The following GPC3 variants were observed in gnomAD, a reference collection of about 807,000 sequenced individuals.
GPC3 encodes the protein glypican 3.
A neutral mutation model predicts 34.4 loss-of-function variants in GPC3; 3 were observed. The ratio of observed to expected loss-of-function variants is 0.09; its 90% confidence interval spans 0.04 to 0.23. The LOEUF (loss-of-function observed/expected upper bound fraction) is 0.23. GPC3 is among the 10% of genes least tolerant of loss of function. GPC3 has a pLI of 1.00. For synonymous variants in GPC3, 177 were observed against 174.0 expected, an observed-to-expected ratio of 1.02 and a Z score of -0.13; for missense variants, 351 against 445.6, an observed-to-expected ratio of 0.79 and a Z score of 1.91.
intron 6 of GPC3, among the ~76,000 whole-genome samples, chrX:133,631,912 C>T (rs1393219625): frequency 2.2e-4 from 24 of 107,250 alleles, no homozygotes; most frequent in African/African-American, 4.9e-4. Flanking sequence ...TGAAGGAGCA[C>T]GTATTAAAAA....
At chrX:133,698,509 T>C (rs1165255931) in intron 4 of GPC3, among the ~76,000 whole-genome samples, 2 of 111,993 alleles carry the variant, frequency 1.8e-5, no homozygotes, top group Admixed American at 9.5e-5. Flanking sequence ...AGGAATTCAT[T>C]GTGTGTTGTT....
chrX:133,554,719 A>G lies in GPC3; in HGVS notation c.1574-18426T>C, dbSNP rs189191013. Among the ~76,000 whole-genome samples, 91 of 110,988 alleles carry G rather than the reference A, an allele frequency of 8.2e-4. 1 individual carries two copies. Among genetic ancestry groups the G allele is most frequent in the African/African-American group, 2.8e-3 (85 of 30,469 alleles). On this transcript the variant is annotated intron_variant, in intron 7 of 7. Transcript: ENST00000370818. ...ACCCCTGCTCTCTTTAAAATAGCCA[A>G]TTGGAATTAGCTTAGACTGTGTGGT...
intron 3 of GPC3, among the ~76,000 whole-genome samples, chrX:133,747,034 T>A (rs1022268109): frequency 8.9e-6 from 1 of 111,820 alleles, no homozygotes; most frequent in African/African-American, 3.3e-5. Flanking sequence ...CAGAGCTTCC[T>A]GGCACACAAA....
At chrX:133,643,867 G>T (rs1365782291) in intron 6 of GPC3, among the ~76,000 whole-genome samples, 2 of 97,769 alleles carry the variant, frequency 2.0e-5, no homozygotes, top group Admixed American at 1.1e-4. Flanking sequence ...TTGCTCTTTC[G>T]CCCAGGCTGG....
chrX:133,595,546 A>C (rs1569392719), intron 7 of GPC3, among the ~76,000 whole-genome samples: 2 of 110,661 alleles, frequency 1.8e-5, no homozygotes, highest in Non-Finnish European at 3.8e-5. Context: ...TATTTTTTTT[A>C]CTGAGACAGA....
chrX:133,738,023 G>A (rs909678706), intron 3 of GPC3, among the ~76,000 whole-genome samples: 1 of 111,631 alleles, frequency 9.0e-6, no homozygotes, highest in African/African-American at 3.3e-5. Flanking sequence ...GAGTACAGTG[G>A]TGTGATCACA....
intron 6 of GPC3, among the ~76,000 whole-genome samples, chrX:133,628,200 T>C (rs776348024): frequency 8.9e-5 from 10 of 112,382 alleles, no homozygotes; most frequent in Non-Finnish European, 1.9e-4. Flanking sequence ...AATGAGGTTG[T>C]TTACTTAGTT....
intron 1 of GPC3, among the ~76,000 whole-genome samples, chrX:133,976,981 C>T (rs1452588651): frequency 9.1e-6 from 1 of 109,839 alleles, no homozygotes; most frequent in Non-Finnish European, 1.9e-5. Context: ...GGCAACAAGG[C>T]TCCCAGGGCC....
chrX:133,607,454 A>G (rs1437045315), intron 6 of GPC3, among the ~76,000 whole-genome samples: 3 of 110,436 alleles, frequency 2.7e-5, no homozygotes, highest in African/African-American at 9.9e-5. Context: ...TTTAATAGAG[A>G]TGGGGGTCTC....
intron 2 of GPC3, among the ~76,000 whole-genome samples, chrX:133,844,823 T>G (rs1316150915): frequency 8.9e-6 from 1 of 111,735 alleles, no homozygotes; most frequent in Non-Finnish European, 1.9e-5. Context: ...ATTCTGATTT[T>G]TAATATTTGG....
intron 3 of GPC3, among the ~76,000 whole-genome samples, chrX:133,741,111 TC>T (rs1456556630): frequency 9.1e-6 from 1 of 109,755 alleles, no homozygotes; most frequent in African/African-American, 3.3e-5. Flanking sequence ...TCCTCCTCTT[TC>T]CCCACAGGGT....
rs190827797 is a variant in GPC3, at chrX:133,676,038, C to T, written c.1293-14188G>A. Among the ~76,000 whole-genome samples the T allele has an allele frequency of 5.4e-3, 609 of 112,123 alleles. 3 individuals are homozygous for T. The highest frequency in any genetic ancestry group is 9.4e-3 in the Non-Finnish European group (502 of 53,219). On this transcript the variant is annotated intron_variant, in intron 5 of 7. Coordinates refer to ENST00000370818, the MANE Select transcript of GPC3 (RefSeq NM_004484.4). ...ACTGTGTTGGATTCCCACTGCAAACCGGTGATTGAGAGTGTGTAGCCATAT... is the reference window on the plus strand; with the variant it reads ...ACTGTGTTGGATTCCCACTGCAAACTGGTGATTGAGAGTGTGTAGCCATAT...
intron 3 of GPC3, among the ~76,000 whole-genome samples, chrX:133,716,784 A>G (rs2071317982): frequency 2.7e-5 from 3 of 111,492 alleles, no homozygotes; most frequent in Admixed American, 9.5e-5. Flanking sequence ...AATGGCTAAA[A>G]GCTTCCCAAA....
chrX:133,810,052 A>G (rs1000485550), intron 2 of GPC3, among the ~76,000 whole-genome samples: 2 of 111,838 alleles, frequency 1.8e-5, no homozygotes, highest in African/African-American at 6.5e-5. Flanking sequence ...TTTCCGGCCC[A>G]TTTTATTTCA....
At chrX:133,931,353 C>T (rs373317553) in intron 2 of GPC3, among the ~76,000 whole-genome samples, 1 of 111,095 alleles carries the variant, frequency 9.0e-6, no homozygotes, top group Non-Finnish European at 1.9e-5. Context: ...TAAAACCTGA[C>T]AGATGTTAAA....
intron 3 of GPC3, among the ~76,000 whole-genome samples, chrX:133,751,021 C>T (rs1301223875): frequency 9.3e-6 from 1 of 107,334 alleles, no homozygotes; most frequent in Non-Finnish European, 1.9e-5. Flanking sequence ...TGCAGTGAGC[C>T]GAGATTACAC....
At chrX:133,697,380 C>T (rs1350595234) in intron 4 of GPC3, among the ~76,000 whole-genome samples, 1 of 111,688 alleles carries the variant, frequency 9.0e-6, no homozygotes, top group East Asian at 2.8e-4. Context: ...ATTCTAAAGA[C>T]TTGCCCATAC....
chrX:133,666,071 C>T (rs2070764949), intron 5 of GPC3, among the ~76,000 whole-genome samples: 1 of 111,917 alleles, frequency 8.9e-6, no homozygotes. Context: ...AGCGATTTTG[C>T]CCCGTACTCC....
At chrX:133,882,552 T>C (rs1382751661) in intron 2 of GPC3, among the ~76,000 whole-genome samples, 1 of 111,169 alleles carries the variant, frequency 9.0e-6, no homozygotes, top group Admixed American at 9.6e-5. Flanking sequence ...TGTGTGTGTG[T>C]GTGTGTGGCT....
Sources: allele counts gnomAD v4.1 joint callset (sites outside exome capture counted in the v4.1 genomes callset), GRCh38; gene constraint gnomAD v4.1.1; transcripts MANE v1.5; gene names NCBI Gene and HGNC (gene_info 2026-07-23, HGNC 2026-07-21).